The following MATN2 variants were observed in gnomAD, a reference collection of about 807,000 sequenced individuals.
MATN2 encodes the protein matrilin 2, also known as matrilin-2.
In MATN2, 69 loss-of-function variants were observed where a neutral mutation model predicts 103.2. The observed-to-expected ratio is 0.67, with a 90% CI of 0.55 to 0.82. MATN2 has a LOEUF of 0.82. Ranked by LOEUF, MATN2 falls within the 40% of genes least tolerant of loss-of-function variation. The probability of loss-of-function intolerance (pLI) is 0.00; values close to 1 mark genes in which losing one functional copy is unlikely to be tolerated. For missense variants in MATN2, 1,023 were observed against 1,211.5 expected, an observed-to-expected ratio of 0.84 and a Z score of 2.31; for synonymous variants, 429 against 450.2, an observed-to-expected ratio of 0.95 and a Z score of 0.60.
At chr8:97,949,371 A>G (rs11774615) in intron 4 of MATN2, among the ~76,000 whole-genome samples, 2 of 151,840 alleles carry the variant, frequency 1.3e-5, no homozygotes, top group Admixed American at 1.3e-4. Context: ...ATGGGGTTTC[A>G]CCATGTTGGC....
chr8:97,946,206 G>A (rs1268575898), intron 4 of MATN2, among the ~76,000 whole-genome samples: 1 of 152,066 alleles, frequency 6.6e-6, no homozygotes, highest in African/African-American at 2.4e-5. Context: ...CCTCTTCTGG[G>A]TGGATATTAG....
chr8:98,017,592 T>G (rs1813409151), intron 11 of MATN2, among the ~76,000 whole-genome samples: 1 of 152,236 alleles, frequency 6.6e-6, no homozygotes. Context: ...TCCAAGAAGT[T>G]AAGTGATTCT....
At chr8:97,878,868 G>A (rs1373941891) in intron 1 of MATN2, among the ~76,000 whole-genome samples, 1 of 151,934 alleles carries the variant, frequency 6.6e-6, no homozygotes, top group African/African-American at 2.4e-5. Flanking sequence ...AAAAGAAGAA[G>A]AAGGAAGATG....
rs118118603 is a variant in MATN2 at position 98,021,692 on chromosome 8, A to C, written c.1942+365A>C. ...ACAGTTTAAACATAAAAAAAAAAAA[A>C]ACACAAAAGAGCAAAAGGAGTCTTG... On this transcript the variant is annotated intron_variant, in intron 13 of 18. Coordinates refer to ENST00000254898, the MANE Select transcript of MATN2 (RefSeq NM_002380.5). 3.6e-3 allele frequency among the ~76,000 whole-genome samples: 549 copies of C among 151,932 alleles called. 4 individuals carry two copies. The highest frequency in any genetic ancestry group is 0.024 in the Middle Eastern group (7 of 294).
intron 8 of MATN2, among the ~76,000 whole-genome samples, chr8:98,004,665 A>G (rs1282225886): frequency 6.6e-6 from 1 of 152,226 alleles, no homozygotes; most frequent in Non-Finnish European, 1.5e-5. Flanking sequence ...CTGGCGCCAG[A>G]CTGGGACAAG....
intron 4 of MATN2, chr8:97,952,023 G>A (rs1177224116): frequency 1.3e-5 from 2 of 152,182 alleles, no homozygotes; most frequent in Non-Finnish European, 2.9e-5. Flanking sequence ...ACCATTGGAA[G>A]ACTTCAAATC....
At chr8:97,961,630 C>T (rs922762053) in intron 5 of MATN2, 100 bp downstream of exon 5, 2 of 1,322,984 alleles carry the variant, frequency 1.5e-6, no homozygotes, top group Non-Finnish European at 2.0e-6. Context: ...TGTTTCCTCA[C>T]CTTTGGGTTT....
rs1157128061 is a variant in MATN2, at chr8:97,982,348, C to T, written c.1081+3340C>T. Among the ~76,000 whole-genome samples the T allele has an allele frequency of 7.1e-6, 1 of 141,596 alleles. No individual in the cohort carries two copies. The highest frequency in any genetic ancestry group is 1.5e-5 in the Non-Finnish European group (1 of 67,682). The allele number at this position is 141,596 out of a possible 152,430, so 92.9% of individuals were successfully genotyped here. A position where few individuals can be genotyped will look rare whatever the true frequency, so the allele number is the denominator to read the frequency against. On this transcript the variant is annotated intron_variant, in intron 6 of 18. Transcript: ENST00000254898. The surrounding 1 kb of genome is among the most constrained non-coding windows in gnomAD (Gnocchi z 4.3). ...GGCAGAAGCTCAGAACCGAAGCAGC[C>T]ACCCTGTTTTAGTGAGTACCAAGGC...
At chr8:97,949,594 G>A (rs1057220994) in intron 4 of MATN2, among the ~76,000 whole-genome samples, 8 of 152,032 alleles carry the variant, frequency 5.3e-5, no homozygotes, top group African/African-American at 1.7e-4. Context: ...ACAGCTTAGC[G>A]GTTTCTTACA....
chr8:97,934,942 G>A (rs1810324326), intron 3 of MATN2, among the ~76,000 whole-genome samples: 2 of 152,128 alleles, frequency 1.3e-5, no homozygotes, highest in South Asian at 4.1e-4. Context: ...TTTCCTTTTG[G>A]CATAGTGATT....
In MATN2 at chr8:97,931,078, G is replaced by A. The variant is rs757584045; in HGVS notation, c.268G>A (p.Gly90Ser). The change falls in exon 3 of 19, where the codon GGT becomes AGT. Residue 90 changes from glycine (G) to serine (S), a missense_variant. By Grantham distance (56) the Gly-to-Ser change is moderately conservative. Coordinates refer to ENST00000254898, the MANE Select transcript of MATN2 (RefSeq NM_002380.5). This position sits in a 1 kb window ranked among gnomAD's most constrained non-coding sequence, Gnocchi z 4.1. Reference protein sequence around the residue: ...IVDILQFLDIGPDVTRVGLLQ... With the variant: ...IVDILQFLDISPDVTRVGLLQ... ...GGACATCTTGCAATTCTTGGACATT[G>A]GTCCTGATGTCACCCGAGTGGGCCT... The A allele has an allele frequency of 5.0e-6, 8 of 1,613,884 alleles. No homozygotes were observed. In the African/African-American group the frequency reaches 1.1e-4, roughly 22 times the overall value.
At chr8:97,901,121 C>G (rs1353453201) in intron 2 of MATN2, among the ~76,000 whole-genome samples, 2 of 152,178 alleles carry the variant, frequency 1.3e-5, no homozygotes, top group Non-Finnish European at 2.9e-5. Flanking sequence ...TGTCCCACCA[C>G]TGACCGAAGC....
intron 4 of MATN2, among the ~76,000 whole-genome samples, chr8:97,947,411 G>A (rs1209990197): frequency 6.6e-6 from 1 of 152,158 alleles, no homozygotes; most frequent in Non-Finnish European, 1.5e-5. Flanking sequence ...AATGAGTTTA[G>A]CAATGTTGCA....
At chr8:97,964,871 C>G (rs1460438479) in intron 5 of MATN2, among the ~76,000 whole-genome samples, 1 of 152,094 alleles carries the variant, frequency 6.6e-6, no homozygotes, top group Non-Finnish European at 1.5e-5. Flanking sequence ...GTTGCTGGGA[C>G]CACAGGTGCA....
intron 1 of MATN2, among the ~76,000 whole-genome samples, chr8:97,875,159 A>T (rs1169730278): frequency 2.0e-5 from 3 of 152,140 alleles, no homozygotes; most frequent in Non-Finnish European, 4.4e-5. Flanking sequence ...TCTGGGAATT[A>T]TGATGTAGAC....
chr8:97,905,730 C>T (rs190798070), intron 2 of MATN2, among the ~76,000 whole-genome samples: 52 of 152,194 alleles, frequency 3.4e-4, no homozygotes, highest in Admixed American at 1.9e-3. Context: ...TGGCGTGATC[C>T]GGGCTCACTG....
chr8:97,931,864 G>A lies in MATN2; in HGVS notation c.712+342G>A, dbSNP rs889296202. Among the ~76,000 whole-genome samples the A allele has an allele frequency of 2.0e-5, 3 of 152,070 alleles. No individual in the cohort carries two copies. Among genetic ancestry groups the A allele is most frequent in the African/African-American group, 7.2e-5 (3 of 41,400 alleles). ...ACTACAGGTGTGCACCACCATGCCT[G>A]GCTTATTTTTTAACTATTTGTAGAG... On this transcript the variant is annotated intron_variant, in intron 3 of 18. Coordinates refer to ENST00000254898, the MANE Select transcript of MATN2 (RefSeq NM_002380.5). The surrounding 1 kb of genome is among the most constrained non-coding windows in gnomAD (Gnocchi z 4.1).
chr8:98,033,248 T>A, intron 17 of MATN2, 72 bp downstream of exon 17: 1 of 1,351,988 alleles, frequency 7.4e-7, no homozygotes. Context: ...ACCTTAGCTT[T>A]AAGGAGGAAA....
intron 6 of MATN2, among the ~76,000 whole-genome samples, chr8:97,988,544 T>G (rs1003766810): frequency 6.6e-6 from 1 of 152,004 alleles, no homozygotes; most frequent in Admixed American, 6.6e-5. Context: ...GAGGGTTGCT[T>G]GAGCCCAGGA....
Sources: allele counts gnomAD v4.1 joint callset (sites outside exome capture counted in the v4.1 genomes callset), GRCh38; gene constraint gnomAD v4.1.1; non-coding constraint Gnocchi (gnomAD v3.1); transcripts MANE v1.5; gene names NCBI Gene and HGNC (gene_info 2026-07-23, HGNC 2026-07-21).